Variants in CTNNA3 observed in about 807,000 individuals in gnomAD.
CTNNA3 encodes catenin alpha 3.
Under a neutral mutation model 95.7 loss-of-function variants are expected in CTNNA3, and 76 were observed. The observed-to-expected ratio is 0.79, with a 90% confidence interval of 0.66 to 0.96. The LOEUF (loss-of-function observed/expected upper bound fraction) is 0.96, where lower values mean the gene tolerates loss of function less well. Ranked by LOEUF, CTNNA3 falls within the 40% of genes least tolerant of loss-of-function variation. The probability of loss-of-function intolerance (pLI) is 0.00; values close to 1 mark genes in which losing one functional copy is unlikely to be tolerated. For missense variants in CTNNA3, 1,191 were observed against 1,089.8 expected, an observed-to-expected ratio of 1.09 and a Z score of -1.31; for synonymous variants, 431 against 374.4, an observed-to-expected ratio of 1.15 and a Z score of -1.74.
intron 15 of CTNNA3, among the ~76,000 whole-genome samples, chr10:66,006,120 C>G (rs1292027876): frequency 6.7e-6 from 1 of 149,962 alleles, no homozygotes; most frequent in Admixed American, 6.7e-5. Flanking sequence ...TCACACCATT[C>G]TCCTGCCTCA....
At chr10:67,344,070 C>A (rs1842322712) in intron 5 of CTNNA3, among the ~76,000 whole-genome samples, 1 of 151,398 alleles carries the variant, frequency 6.6e-6, no homozygotes, top group Admixed American at 6.6e-5. Context: ...AATGCTTTTT[C>A]AGCATCAATT....
At chr10:66,090,816 T>C (rs1411095127) in intron 14 of CTNNA3, among the ~76,000 whole-genome samples, 1 of 152,036 alleles carries the variant, frequency 6.6e-6, no homozygotes, top group East Asian at 1.9e-4. Flanking sequence ...TAGAGTGCTA[T>C]ATAGCCTAAA....
intron 17 of CTNNA3, among the ~76,000 whole-genome samples, chr10:65,930,868 G>C (rs1236862001): frequency 6.6e-6 from 1 of 152,130 alleles, no homozygotes; most frequent in East Asian, 1.9e-4. Flanking sequence ...CCAGTATTTT[G>C]TTGGGAAAAT....
At chr10:67,230,560 T>C (rs1865144468) in intron 5 of CTNNA3, among the ~76,000 whole-genome samples, 1 of 151,804 alleles carries the variant, frequency 6.6e-6, no homozygotes, top group Non-Finnish European at 1.5e-5. Flanking sequence ...AGGACTAATA[T>C]CCAGAATCTA....
chr10:66,160,667 T>C (rs779447342), intron 13 of CTNNA3, among the ~76,000 whole-genome samples: 7 of 152,156 alleles, frequency 4.6e-5, no homozygotes, highest in Admixed American at 2.0e-4. Flanking sequence ...GGTTGTGAGA[T>C]GAAATGTTCT....
At chr10:66,586,569 AACCTGTATGGCAC>A (rs1044858105) in intron 10 of CTNNA3, among the ~76,000 whole-genome samples, 6 of 152,132 alleles carry the variant, frequency 3.9e-5, no homozygotes, top group African/African-American at 1.4e-4. Flanking sequence ...TGTAAGTCTG[AACCTGTATGGCAC>A]ACTTCCTGTG....
At chr10:67,268,431 G>A (rs1445750467) in intron 5 of CTNNA3, among the ~76,000 whole-genome samples, 3 of 152,060 alleles carry the variant, frequency 2.0e-5, no homozygotes, top group African/African-American at 7.2e-5. Context: ...TAAGGCAGGA[G>A]GATTGCATGA....
chr10:67,127,560 T>G (rs1859775351), intron 7 of CTNNA3, among the ~76,000 whole-genome samples: 1 of 152,164 alleles, frequency 6.6e-6, no homozygotes, highest in East Asian at 1.9e-4. Context: ...GAGATGTGGT[T>G]TGATCTTCTG....
intron 7 of CTNNA3, among the ~76,000 whole-genome samples, chr10:66,963,664 T>C (rs796319788): frequency 2.6e-5 from 4 of 152,052 alleles, no homozygotes; most frequent in African/African-American, 9.6e-5. Flanking sequence ...GGGTAAGGTA[T>C]AGAGGGCATG....
intron 15 of CTNNA3, among the ~76,000 whole-genome samples, chr10:66,013,769 C>T (rs749347195): frequency 2.0e-5 from 3 of 152,064 alleles, no homozygotes; most frequent in Non-Finnish European, 4.4e-5. Flanking sequence ...AGCTGTGTTC[C>T]TAGAACATCT....
intron 13 of CTNNA3, among the ~76,000 whole-genome samples, chr10:66,170,664 T>C (rs1159277798): frequency 6.7e-6 from 1 of 149,528 alleles, no homozygotes; most frequent in African/African-American, 2.5e-5. Context: ...GAAAACTGCA[T>C]ATAAAAGGCT....
intron 15 of CTNNA3, among the ~76,000 whole-genome samples, chr10:66,054,117 C>A (rs535347237): frequency 6.6e-6 from 1 of 152,082 alleles, no homozygotes; most frequent in East Asian, 1.9e-4. Context: ...ATTTCTTTAT[C>A]CATTTATCCT....
chr10:66,043,145 A>G (rs972798654), intron 15 of CTNNA3, among the ~76,000 whole-genome samples: 1 of 150,352 alleles, frequency 6.7e-6, no homozygotes, highest in African/African-American at 2.4e-5. Context: ...AAAAAAAAAA[A>G]AAAAAAAAAG....
intron 3 of CTNNA3, among the ~76,000 whole-genome samples, chr10:67,605,509 T>C (rs1255966721): frequency 6.6e-6 from 1 of 152,202 alleles, no homozygotes; most frequent in African/African-American, 2.4e-5. Flanking sequence ...GGAGTAGATT[T>C]AGATGCTCTT....
At chr10:66,257,264 G>T (rs2090824255) in intron 13 of CTNNA3, among the ~76,000 whole-genome samples, 1 of 152,128 alleles carries the variant, frequency 6.6e-6, no homozygotes, top group South Asian at 2.1e-4. Context: ...TAGATACAGG[G>T]GCCAGTTATT....
At chr10:66,194,979 G>A (rs978650301) in intron 13 of CTNNA3, among the ~76,000 whole-genome samples, 2 of 152,154 alleles carry the variant, frequency 1.3e-5, no homozygotes, top group African/African-American at 4.8e-5. Flanking sequence ...GCTGTATGAA[G>A]TACAACCGAG....
chr10:66,412,456 ATTTT>A (rs750175517), intron 11 of CTNNA3, among the ~76,000 whole-genome samples: 5,387 of 126,120 alleles, frequency 0.043, 85 homozygotes, highest in Non-Finnish European at 0.048. Context: ...GCCAAATACT[ATTTT>A]TTTTTTTTTT....
intron 7 of CTNNA3, among the ~76,000 whole-genome samples, chr10:66,913,847 AG>A (rs1440997996): frequency 1.3e-5 from 2 of 152,196 alleles, no homozygotes; most frequent in African/African-American, 4.8e-5. Flanking sequence ...AAACCTGAAA[AG>A]CTACACTGAA....
chr10:66,207,675 G>T (rs1026413686), intron 13 of CTNNA3, among the ~76,000 whole-genome samples: 2 of 152,020 alleles, frequency 1.3e-5, no homozygotes, highest in African/African-American at 2.4e-5. Context: ...AATTATGGCA[G>T]AAGTGAGAAA....
Sources: allele counts gnomAD v4.1 joint callset (sites outside exome capture counted in the v4.1 genomes callset), GRCh38; gene constraint gnomAD v4.1.1; transcripts MANE v1.5; gene names NCBI Gene and HGNC (gene_info 2026-07-23, HGNC 2026-07-21).